SNTG1: variants seen among roughly 807,000 people sequenced by gnomAD.
SNTG1 encodes syntrophin gamma 1.
SNTG1 carries 39 observed loss-of-function variants against 74.7 expected under a neutral mutation model. The ratio of observed to expected loss-of-function variants is 0.52; its 90% CI spans 0.40 to 0.68. SNTG1 has a LOEUF of 0.68. SNTG1 is among the 30% of genes least tolerant of loss of function. SNTG1 has a pLI of 0.00. For missense variants in SNTG1, 685 were observed against 609.5 expected (o/e 1.12, Z -1.30); for synonymous variants, 254 against 217.1 (o/e 1.17, Z -1.49).
At chr8:50,139,960 G>A (rs1377737740) in intron 1 of SNTG1, among the ~76,000 whole-genome samples, 2 of 152,194 alleles carry the variant, frequency 1.3e-5, no homozygotes, top group Admixed American at 1.3e-4. Flanking sequence ...GATGTCTGAA[G>A]CTTTTCACAT....
chr8:50,429,314 T>C (rs538871067), intron 4 of SNTG1, among the ~76,000 whole-genome samples: 10 of 152,232 alleles, frequency 6.6e-5, no homozygotes, highest in African/African-American at 2.4e-4. Context: ...TGGAATAGAA[T>C]TGAGAGTTCA....
At chr8:50,335,338 C>G (rs1447665151) in intron 2 of SNTG1, among the ~76,000 whole-genome samples, 1 of 152,342 alleles carries the variant, frequency 6.6e-6, no homozygotes, top group East Asian at 1.9e-4. Context: ...GCATCCACTG[C>G]TTTGCTTATC....
intron 13 of SNTG1, among the ~76,000 whole-genome samples, chr8:50,621,462 C>A (rs562743926): frequency 4.6e-5 from 7 of 152,152 alleles, no homozygotes; most frequent in Non-Finnish European, 1.0e-4. Flanking sequence ...CAAATTTAAA[C>A]AGACTTTGCT....
At chr8:50,157,612 G>A (rs1412936868) in intron 1 of SNTG1, among the ~76,000 whole-genome samples, 2 of 152,050 alleles carry the variant, frequency 1.3e-5, no homozygotes, top group Admixed American at 6.6e-5. Flanking sequence ...TTTAAATTAT[G>A]GAATTTCCCC....
At chr8:50,028,989 G>A (rs190087567) in intron 1 of SNTG1, among the ~76,000 whole-genome samples, 1 of 151,842 alleles carries the variant, frequency 6.6e-6, no homozygotes, top group Non-Finnish European at 1.5e-5. Flanking sequence ...TTTTAATGTT[G>A]AGTTTTAATA....
At chr8:50,237,334 T>C (rs1362744787) in intron 2 of SNTG1, among the ~76,000 whole-genome samples, 1 of 152,208 alleles carries the variant, frequency 6.6e-6, no homozygotes, top group African/African-American at 2.4e-5. Flanking sequence ...TCCATTATTT[T>C]TGGCAAGAAT....
At chr8:50,655,401 G>C (rs1272486598) in intron 13 of SNTG1, among the ~76,000 whole-genome samples, 1 of 152,078 alleles carries the variant, frequency 6.6e-6, no homozygotes, top group Non-Finnish European at 1.5e-5. Flanking sequence ...ATTATAGCTG[G>C]TTCTTATTAT....
chr8:50,270,602 CT>C (rs1222347823), intron 2 of SNTG1, among the ~76,000 whole-genome samples: 1 of 152,170 alleles, frequency 6.6e-6, no homozygotes, highest in African/African-American at 2.4e-5. Flanking sequence ...GATTTGAGAA[CT>C]TTTCCTCCCT....
At chr8:50,517,122 G>C (rs564784799) in intron 9 of SNTG1, among the ~76,000 whole-genome samples, 1 of 152,308 alleles carries the variant, frequency 6.6e-6, no homozygotes, top group African/African-American at 2.4e-5. Flanking sequence ...CAAGCCAGAA[G>C]AGAGTGGGGG....
intron 8 of SNTG1, among the ~76,000 whole-genome samples, chr8:50,465,716 G>T (rs1587716222): frequency 6.6e-6 from 1 of 152,182 alleles, no homozygotes; most frequent in East Asian, 1.9e-4. Context: ...AGCCTTTTTA[G>T]ATTGGCTTTT....
intron 13 of SNTG1, among the ~76,000 whole-genome samples, chr8:50,616,318 C>G (rs887329506): frequency 6.6e-6 from 1 of 152,090 alleles, no homozygotes; most frequent in African/African-American, 2.4e-5. Flanking sequence ...AAAGAGAAGT[C>G]GGTACTTAGC....
intron 2 of SNTG1, among the ~76,000 whole-genome samples, chr8:50,254,906 A>C (rs2086810097): frequency 6.7e-6 from 1 of 150,330 alleles, no homozygotes; most frequent in Non-Finnish European, 1.5e-5. Context: ...CTCTTGCGCA[A>C]GACTTCTGCT....
intron 1 of SNTG1, among the ~76,000 whole-genome samples, chr8:49,977,277 T>G (rs1463789049): frequency 6.6e-6 from 1 of 151,986 alleles, no homozygotes; most frequent in Non-Finnish European, 1.5e-5. Flanking sequence ...TAGACTGTTT[T>G]TTTTTCAGAA....
chr8:50,742,365 G>A (rs1339949306), intron 17 of SNTG1, among the ~76,000 whole-genome samples: 1 of 151,842 alleles, frequency 6.6e-6, no homozygotes, highest in East Asian at 1.9e-4. Flanking sequence ...ATCAATAACA[G>A]AAGAAACACT....
chr8:50,782,719 T>A (rs2095663329), intron 18 of SNTG1, among the ~76,000 whole-genome samples: 3 of 152,230 alleles, frequency 2.0e-5, no homozygotes, highest in Admixed American at 2.0e-4. Context: ...AAAGTCATTC[T>A]CCATCCAGCT....
At chr8:50,177,372 T>A (rs1487885555) in intron 2 of SNTG1, among the ~76,000 whole-genome samples, 1 of 152,162 alleles carries the variant, frequency 6.6e-6, no homozygotes, top group Non-Finnish European at 1.5e-5. Flanking sequence ...TGGCTCTCAC[T>A]ACCCCATGGT....
intron 2 of SNTG1, among the ~76,000 whole-genome samples, chr8:50,249,405 C>T (rs2086545236): frequency 6.6e-6 from 1 of 152,264 alleles, no homozygotes; most frequent in Admixed American, 6.5e-5. Context: ...AAGCTGGCCT[C>T]ACCTCAGCAG....
At chr8:50,501,425 GTTTTTTTTTTTTT>G (rs59123896) in intron 8 of SNTG1, among the ~76,000 whole-genome samples, 3 of 57,082 alleles carry the variant, frequency 5.3e-5, no homozygotes, top group Admixed American at 2.2e-4. Flanking sequence ...GAGCCTGTGC[GTTTTTTTTTTTTT>G]TTTTTTTTTT....
intron 17 of SNTG1, among the ~76,000 whole-genome samples, chr8:50,711,377 T>G (rs2095461245): frequency 6.6e-6 from 1 of 152,200 alleles, no homozygotes. Context: ...CTTCTGCACT[T>G]CATCTTGATC....
Sources: gnomAD v4.1 joint callset for allele counts (sites outside exome capture counted in the v4.1 genomes callset) on GRCh38, gnomAD v4.1.1 for gene constraint, MANE v1.5 for transcripts, NCBI Gene and HGNC (gene_info 2026-07-23, HGNC 2026-07-21) for gene names.